The following TRAPPC9 variants were observed in gnomAD, a reference collection of about 807,000 sequenced individuals.
TRAPPC9 encodes trafficking protein particle complex subunit 9.
Under a neutral mutation model 124.0 loss-of-function variants are expected in TRAPPC9, and 83 were observed. That is an observed-to-expected ratio of 0.67 (90% CI 0.56 to 0.80). The LOEUF is 0.80. TRAPPC9 is among the 30% of genes least tolerant of loss of function. The probability of loss-of-function intolerance (pLI) is 0.00; values close to 1 mark genes in which losing one functional copy is unlikely to be tolerated. For synonymous variants in TRAPPC9, 638 were observed against 617.5 expected (o/e 1.03, Z -0.49); for missense variants, 1,302 against 1,508.3 (o/e 0.86, Z 2.27).
chr8:139,773,702 C>G (rs1821145941), intron 21 of TRAPPC9, among the ~76,000 whole-genome samples: 2 of 152,166 alleles, frequency 1.3e-5, no homozygotes, highest in Non-Finnish European at 2.9e-5. Context: ...CAGCCGGCAG[C>G]AAAACCACCC....
chr8:140,439,196 G>A lies in TRAPPC9; in HGVS notation c.586C>T (p.His196Tyr). Residue 196 changes from histidine to tyrosine, a missense_variant and splice_region_variant, in exon 3 of 23, where the codon CAT (histidine) becomes TAT (tyrosine). Physicochemically the swap from His to Tyr is moderately conservative, Grantham distance 83. Around this residue, in one of 3 missense-constraint regions of TRAPPC9, gnomAD observed 657 missense variants for 811.2 expected, o/e 0.81. Coordinates refer to ENST00000438773, the MANE Select transcript of TRAPPC9 (RefSeq NM_001160372.4). ...CGGCCTTGGCACCGCTTCTTGTAAT[G>A]TCTAGAAAATACATGAAAATGTATC... ...DFVGLDTDSR[H>Y]YKKRCQGRMR... is the part of the protein sequence containing the mutation. 6.2e-7 allele frequency: 1 copy of A among 1,614,050 alleles called. No homozygotes were observed.
At chr8:139,995,232 G>C (rs116611143) in intron 18 of TRAPPC9, among the ~76,000 whole-genome samples, 1 of 152,202 alleles carries the variant, frequency 6.6e-6, no homozygotes, top group African/African-American at 2.4e-5. Flanking sequence ...CTCCAGAGGC[G>C]TGCCCTGTGT....
chr8:139,947,794 G>A (rs1344851341), intron 19 of TRAPPC9, among the ~76,000 whole-genome samples: 7 of 150,454 alleles, frequency 4.7e-5, no homozygotes, highest in Non-Finnish European at 8.9e-5. Context: ...CCTGAACCTG[G>A]GAGGCAGAGG....
intron 21 of TRAPPC9, among the ~76,000 whole-genome samples, chr8:139,819,170 C>T (rs1312770325): frequency 6.6e-6 from 1 of 152,200 alleles, no homozygotes; most frequent in Non-Finnish European, 1.5e-5. Context: ...ATGAACTGCA[C>T]ATGTGATGGA....
intron 11 of TRAPPC9, among the ~76,000 whole-genome samples, chr8:140,299,542 GAGGCCCCGGCAGTCGCCAAGC>G (rs1190824273): frequency 1.3e-5 from 2 of 152,274 alleles, no homozygotes; most frequent in African/African-American, 4.8e-5. Context: ...ACACTCCTCG[GAGGCCCCGGCAGTCGCCAAGC>G]AGCGGCCAGC....
chr8:139,918,502 C>G (rs2131322846), intron 19 of TRAPPC9, among the ~76,000 whole-genome samples: 1 of 152,348 alleles, frequency 6.6e-6, no homozygotes, highest in Middle Eastern at 3.4e-3. Context: ...CGCCAGTCAC[C>G]AGAGCGTGAG....
intron 16 of TRAPPC9, among the ~76,000 whole-genome samples, chr8:140,236,079 C>CTTTTTTT (rs765201850): frequency 9.0e-6 from 1 of 111,720 alleles, no homozygotes; most frequent in Non-Finnish European, 1.8e-5. Flanking sequence ...ACTGTATTTC[C>CTTTTTTT]TTTTTTTTTT....
Position 140,451,234 on chromosome 8 carries a change from C to T in TRAPPC9, c.140G>A (p.Arg47Gln), listed in dbSNP as rs147182402. The T allele has an allele frequency of 3.7e-4, 598 of 1,613,914 alleles. 1 individual carries two copies. The Middle Eastern group carries it at 0.011, about 28-fold the overall frequency. ...RICSVSQISVRDSQRVLYIRY... is the reference protein window; with the variant it reads ...RICSVSQISVQDSQRVLYIRY... ...GATGTAGAGGACTCGCTGGGAGTCC[C>T]GCACGCTGATCTGACTCACAGAGCA... The change falls in exon 2 of 23, where the codon CGG becomes CAG. Residue 47 changes from arginine to glutamine, a missense_variant. Physicochemically the swap from Arg to Gln is conservative, Grantham distance 43. Around this residue, in one of 3 missense-constraint regions of TRAPPC9, gnomAD observed 657 missense variants for 811.2 expected, o/e 0.81. Transcript: ENST00000438773.
At chr8:139,948,506 GC>G (rs1052806007) in intron 19 of TRAPPC9, among the ~76,000 whole-genome samples, 56 of 152,348 alleles carry the variant, frequency 3.7e-4, no homozygotes, top group African/African-American at 1.2e-3. Flanking sequence ...AGACAGAGGG[GC>G]AGGCAGGAGA....
At chr8:140,349,954 C>CT (rs956202366) in intron 9 of TRAPPC9, among the ~76,000 whole-genome samples, 2 of 152,208 alleles carry the variant, frequency 1.3e-5, no homozygotes, top group African/African-American at 4.8e-5. Flanking sequence ...TTTACATCCT[C>CT]TAAGTGAGTA....
At chr8:139,920,163 C>T (rs2126298) in intron 19 of TRAPPC9, among the ~76,000 whole-genome samples, 101,956 of 152,072 alleles carry the variant, frequency 0.67, 35,984 homozygotes, top group African/African-American at 0.92. Flanking sequence ...CTGGCCAACA[C>T]GGTAAAACCC....
chr8:140,203,485 G>A (rs2062842550), intron 17 of TRAPPC9, among the ~76,000 whole-genome samples: 1 of 152,246 alleles, frequency 6.6e-6, no homozygotes, highest in Non-Finnish European at 1.5e-5. Flanking sequence ...GTGTTGCTCA[G>A]TGAGGCCAGG....
chr8:139,878,947 T>G (rs1399611601), intron 21 of TRAPPC9, among the ~76,000 whole-genome samples: 1 of 152,238 alleles, frequency 6.6e-6, no homozygotes, highest in Non-Finnish European at 1.5e-5. Context: ...GGAGCCTGTC[T>G]CAAAACTATG....
intron 7 of TRAPPC9, among the ~76,000 whole-genome samples, chr8:140,390,698 T>C (rs2068901358): frequency 1.3e-5 from 2 of 152,210 alleles, no homozygotes; most frequent in Admixed American, 1.3e-4. Context: ...CAAGAGAGAT[T>C]TCCTTATATG....
At chr8:140,251,015 C>T (rs1047562677) in intron 16 of TRAPPC9, among the ~76,000 whole-genome samples, 1 of 152,208 alleles carries the variant, frequency 6.6e-6, no homozygotes, top group Non-Finnish European at 1.5e-5. Context: ...GGCAGAAGCA[C>T]AGTCATAACA....
intron 4 of TRAPPC9, among the ~76,000 whole-genome samples, chr8:140,431,162 T>A (rs2070628439): frequency 6.6e-6 from 1 of 151,866 alleles, no homozygotes; most frequent in Non-Finnish European, 1.5e-5. Flanking sequence ...GTATAAGAAC[T>A]ACTGACCCTC....
chr8:140,072,905 C>G (rs766584651), intron 17 of TRAPPC9, among the ~76,000 whole-genome samples: 2 of 152,096 alleles, frequency 1.3e-5, no homozygotes, highest in South Asian at 4.1e-4. Flanking sequence ...AAGGCTTGAA[C>G]AGACACTTCA....
At chr8:140,452,419 C>CA (rs1161960216) in intron 1 of TRAPPC9, among the ~76,000 whole-genome samples, 599 of 38,668 alleles carry the variant, frequency 0.015, 4 homozygotes, top group East Asian at 0.032. Flanking sequence ...GACTGCATCT[C>CA]AAAAAAAAAA....
At chr8:140,329,699 T>C (rs1433052624) in intron 9 of TRAPPC9, among the ~76,000 whole-genome samples, 1 of 152,192 alleles carries the variant, frequency 6.6e-6, no homozygotes, top group Non-Finnish European at 1.5e-5. Flanking sequence ...CTCCTCGGCA[T>C]TTTTGTGCTC....
Sources: allele counts gnomAD v4.1 joint callset (sites outside exome capture counted in the v4.1 genomes callset), GRCh38; gene constraint gnomAD v4.1.1; regional missense constraint gnomAD v4.1.1; transcripts MANE v1.5; gene names NCBI Gene and HGNC (gene_info 2026-07-23, HGNC 2026-07-21).